The following ANXA8 variants were observed in gnomAD, a reference collection of about 807,000 sequenced individuals.
ANXA8 encodes VAC-beta.
Under a neutral mutation model 26.8 loss-of-function variants are expected in ANXA8, and 9 were observed. The observed-to-expected ratio is 0.34, with a 90% CI of 0.20 to 0.59. The LOEUF is 0.59. Among genes scored for constraint, ANXA8 ranks in the 20% least tolerant of loss-of-function variants. The pLI, the probability that ANXA8 is intolerant of heterozygous loss-of-function variation, is 0.84. For synonymous variants in ANXA8, 39 were observed against 94.8 expected (o/e 0.41, Z 3.42); for missense variants, 83 against 238.5 (o/e 0.35, Z 4.29).
At chr10:47,655,552 G>A in the ANXA8 span, among the ~76,000 whole-genome samples, 2 of 151,596 alleles carry the variant, frequency 1.3e-5, no homozygotes, top group South Asian at 2.1e-4. Flanking sequence ...ACCAGAAGGT[G>A]GCTGCTGGGA....
the ANXA8 span, chr10:47,715,836 C>T: frequency 1.5e-6 from 2 of 1,343,242 alleles, no homozygotes; most frequent in African/African-American, 3.1e-5. Flanking sequence ...CTTAGCAACC[C>T]ACCTAGAGGA....
At chr10:47,696,425 A>C in the ANXA8 span, 10 of 1,304,688 alleles carry the variant, frequency 7.7e-6, no homozygotes, top group Non-Finnish European at 2.1e-6. Flanking sequence ...ATGAGGACCA[A>C]TGGATTGGTG....
the ANXA8 span, among the ~76,000 whole-genome samples, chr10:47,664,453 A>G: frequency 1.3e-5 from 2 of 151,722 alleles, no homozygotes; most frequent in Non-Finnish European, 2.9e-5. Flanking sequence ...CTGTAATCCC[A>G]ACTACTCGGG....
the ANXA8 span, among the ~76,000 whole-genome samples, chr10:47,881,799 A>ATATTTG: frequency 1.3e-5 from 1 of 75,280 alleles, no homozygotes; most frequent in South Asian, 5.1e-4. Flanking sequence ...GTGTTTGTGT[A>ATATTTG]TGAGTATTTG....
chr10:47,590,373 G>A, the ANXA8 span: 5 of 146,800 alleles, frequency 3.4e-5, no homozygotes, highest in Non-Finnish European at 5.9e-5. Context: ...AAGCAATGGG[G>A]CCCATACTTG....
chr10:47,632,386 C>T, the ANXA8 span, among the ~76,000 whole-genome samples: 1 of 149,794 alleles, frequency 6.7e-6, no homozygotes. Context: ...GAACCAATAT[C>T]CTGAGAAATT....
the ANXA8 span, among the ~76,000 whole-genome samples, chr10:47,652,368 G>A: frequency 1.3e-5 from 2 of 151,722 alleles, no homozygotes; most frequent in Non-Finnish European, 2.9e-5. Flanking sequence ...AGGCCGAGGC[G>A]AGTGGATCAC....
At chr10:47,958,512 C>T in the ANXA8 span, among the ~76,000 whole-genome samples, 1 of 147,438 alleles carries the variant, frequency 6.8e-6, no homozygotes, top group Admixed American at 6.7e-5. Context: ...ACCACTGGCT[C>T]CCTGGGCCAC....
the ANXA8 span, among the ~76,000 whole-genome samples, chr10:47,907,729 C>G: frequency 7.0e-6 from 1 of 142,564 alleles, no homozygotes; most frequent in Admixed American, 7.0e-5. Context: ...GATTGCGCCA[C>G]TGCACTCCAG....
the ANXA8 span, among the ~76,000 whole-genome samples, chr10:47,941,305 C>CCTGCT: frequency 1.4e-5 from 2 of 146,282 alleles, no homozygotes; most frequent in Non-Finnish European, 3.0e-5. Context: ...CTTTGTCTTC[C>CCTGCT]CTGCTCTGCT....
the ANXA8 span, among the ~76,000 whole-genome samples, chr10:47,657,445 A>G: frequency 6.6e-6 from 1 of 152,026 alleles, no homozygotes; most frequent in South Asian, 2.1e-4. Context: ...TGGAAATTAT[A>G]ATAATTCATA....
At chr10:47,668,576 G>A in the ANXA8 span, among the ~76,000 whole-genome samples, 3 of 151,656 alleles carry the variant, frequency 2.0e-5, no homozygotes, top group East Asian at 1.9e-4. Flanking sequence ...TTCCATGGAC[G>A]CTAATGATGG....
At chr10:47,955,021 A>G in the ANXA8 span, among the ~76,000 whole-genome samples, 1 of 147,914 alleles carries the variant, frequency 6.8e-6, no homozygotes, top group Admixed American at 6.8e-5. Context: ...CCCAAATCTC[A>G]TCTTGAATTC....
the ANXA8 span, among the ~76,000 whole-genome samples, chr10:47,534,604 A>T: frequency 2.6e-5 from 3 of 113,730 alleles, no homozygotes; most frequent in Admixed American, 8.9e-5. Context: ...TTCCTTAGGT[A>T]TTTTGGATAT....
At chr10:47,743,329 C>CATATATATATACACACAT in the ANXA8 span, among the ~76,000 whole-genome samples, 74 of 47,780 alleles carry the variant, frequency 1.5e-3, 10 homozygotes, top group Non-Finnish European at 2.5e-3. Flanking sequence ...TATATATATA[C>CATATATATATACACACAT]ATATATATAT....
the ANXA8 span, among the ~76,000 whole-genome samples, chr10:47,945,215 T>C: frequency 6.7e-6 from 1 of 149,770 alleles, no homozygotes; most frequent in African/African-American, 2.5e-5. Context: ...TGTTGTCCAC[T>C]TCCTCAGGGG....
chr10:47,482,044 G>A (rs1839838450), intron 1 of ANXA8, among the ~76,000 whole-genome samples: 1 of 141,774 alleles, frequency 7.1e-6, no homozygotes, highest in Admixed American at 7.1e-5. Flanking sequence ...AGAGGAAAAG[G>A]CAACACCAAA....
chr10:47,669,274 GCTAT>G, the ANXA8 span, among the ~76,000 whole-genome samples: 117 of 151,030 alleles, frequency 7.7e-4, no homozygotes, highest in African/African-American at 2.7e-3. Flanking sequence ...TTCTACAGGC[GCTAT>G]CTGTTACCAG....
At chr10:47,484,457 C>T (rs1241925462), upstream of ANXA8, 8,550 of 1,112,346 alleles carry the variant, frequency 7.7e-3, 481 homozygotes, top group African/African-American at 0.12. Flanking sequence ...TTTTTTTTTC[C>T]GGGGGCAAGG....
Sources: allele counts gnomAD v4.1 joint callset (sites outside exome capture counted in the v4.1 genomes callset), GRCh38; gene constraint gnomAD v4.1.1; transcripts MANE v1.5; gene names NCBI Gene and HGNC (gene_info 2026-07-23, HGNC 2026-07-21).